DEFB104A: variants seen among roughly 807,000 people sequenced by gnomAD.
DEFB104A encodes beta-defensin 104.
intron 1 of DEFB104A, among the ~76,000 whole-genome samples, chr8:7,839,664 C>G (rs1468312792): frequency 2.7e-5 from 3 of 109,804 alleles, no homozygotes; most frequent in African/African-American, 8.7e-5. Flanking sequence ...ACATAAAACC[C>G]TGGTGCGAGG....
chr8:7,838,677 C>T (rs1563453347), intron 1 of DEFB104A, among the ~76,000 whole-genome samples: 1 of 114,826 alleles, frequency 8.7e-6, no homozygotes, highest in Non-Finnish European at 1.9e-5. Context: ...AAGACTCTGT[C>T]TCAAAAAAAA....
At chr8:7,840,364 ATG>A (rs1246646278) in intron 1 of DEFB104A, among the ~76,000 whole-genome samples, 127 of 65,296 alleles carry the variant, frequency 1.9e-3, no homozygotes, top group South Asian at 0.015. Context: ...CTCTCTATAT[ATG>A]TGTATATATA....
At chr8:7,836,933 ATCC>A (rs1167530350) in intron 1 of DEFB104A, among the ~76,000 whole-genome samples, 1 of 142,398 alleles carries the variant, frequency 7.0e-6, no homozygotes, top group African/African-American at 2.6e-5. Context: ...GCCTTCCCCC[ATCC>A]TCCTCCTTCT....
chr8:7,840,991 TGCCAGTAA>T, intron 1 of DEFB104A, 35 bp from the exon 2 acceptor site: 1 of 1,611,970 alleles, frequency 6.2e-7, no homozygotes, highest in Non-Finnish European at 8.5e-7. Flanking sequence ...TGCCTTTTGG[TGCCAGTAA>T]GCAATTAATG....
At chr8:7,837,065 C>T (rs1187598398) in intron 1 of DEFB104A, among the ~76,000 whole-genome samples, 12 of 141,636 alleles carry the variant, frequency 8.5e-5, no homozygotes, top group Admixed American at 2.2e-4. Flanking sequence ...TAGGCAAGAA[C>T]GTAATTTACT....
At position 7,837,380 on chromosome 8, in the gene DEFB104A, C is replaced by T. The variant is rs1817670499; in HGVS notation, c.58+838C>T. ...GATCTTCTCTTCCAAGCTGCTCAGTCAATTTTATGGGGCTTTGACAGACAC... is the reference window on the plus strand; with the variant it reads ...GATCTTCTCTTCCAAGCTGCTCAGTTAATTTTATGGGGCTTTGACAGACAC... On this transcript the variant is annotated intron_variant, in intron 1 of 1. Transcript: ENST00000314265. Among the ~76,000 whole-genome samples the T allele has an allele frequency of 1.4e-5, 2 of 141,550 alleles. 1 individual carries two copies. The highest frequency in any genetic ancestry group is 4.9e-4 in the South Asian group (2 of 4,074). The allele number at this position is 141,550 out of a possible 152,430, so 92.9% of individuals were successfully genotyped here.
At chr8:7,839,096 G>C (rs1817706476) in intron 1 of DEFB104A, among the ~76,000 whole-genome samples, 1 of 144,206 alleles carries the variant, frequency 6.9e-6, no homozygotes, top group Non-Finnish European at 1.6e-5. Context: ...TTCCAGCTTT[G>C]ACACATAAGT....
chr8:7,836,814 A>G (rs1245998605), intron 1 of DEFB104A, among the ~76,000 whole-genome samples: 2 of 143,084 alleles, frequency 1.4e-5, no homozygotes, highest in Non-Finnish European at 3.0e-5. Context: ...CCCTGGCCAC[A>G]CACGGTAACA....
At chr8:7,837,367 C>T (rs1817670189) in intron 1 of DEFB104A, among the ~76,000 whole-genome samples, 1 of 140,846 alleles carries the variant, frequency 7.1e-6, no homozygotes, top group Admixed American at 7.4e-5. Context: ...TCTTCTCTTC[C>T]AAGCTGCTCA....
intron 1 of DEFB104A, among the ~76,000 whole-genome samples, chr8:7,837,208 G>C (rs1269300384): frequency 7.2e-6 from 1 of 139,544 alleles, no homozygotes; most frequent in Non-Finnish European, 1.5e-5. Flanking sequence ...CAATGGATAT[G>C]AGAGAGCACC....
Position 7,838,921 on chromosome 8 carries a change from A to T in DEFB104A, c.59-2113A>T, listed in dbSNP as rs1356940159. On this transcript the variant is annotated intron_variant, in intron 1 of 1. Transcript: ENST00000314265. Reference sequence around the variant, plus strand: ...AAGATTTTCTGGGTCTGTAGAGCAGAGGAGGAAAATTGCTTATGCAAGAAA... The same window carrying T: ...AAGATTTTCTGGGTCTGTAGAGCAGTGGAGGAAAATTGCTTATGCAAGAAA... Among the ~76,000 whole-genome samples, 4 of 141,512 alleles carry T rather than the reference A, an allele frequency of 2.8e-5. No homozygotes were observed. The East Asian group carries it at 6.1e-4, about 22-fold the overall frequency. 92.8% of individuals were successfully genotyped at this position (141,512 alleles called of 152,430 possible).
intron 1 of DEFB104A, among the ~76,000 whole-genome samples, chr8:7,840,385 TATAG>T: frequency 2.0e-5 from 1 of 49,022 alleles, no homozygotes; most frequent in Non-Finnish European, 4.7e-5. Flanking sequence ...TATATACCTA[TATAG>T]ATACATAGAT....
chr8:7,836,690 A>C, intron 1 of DEFB104A, 148 bp downstream of exon 1: 2 of 1,255,508 alleles, frequency 1.6e-6, no homozygotes, highest in Non-Finnish European at 2.2e-6. Context: ...CATTGGGTCC[A>C]TTAGTAAAAT....
Position 7,837,523 on chromosome 8 carries a change from G to A in DEFB104A, c.58+981G>A, listed in dbSNP as rs1202416095. ...ACTCTTCCTTTTTCTTTCTTCCCGT[G>A]TCATTTCCCAAAGACACTTCTGTGA... On this transcript the variant is annotated intron_variant, in intron 1 of 1. Transcript: ENST00000314265. Among the ~76,000 whole-genome samples, 7 of 140,666 alleles carry A rather than the reference G, an allele frequency of 5.0e-5. 1 individual carries two copies. The highest frequency in any genetic ancestry group is 1.9e-4 in the African/African-American group (7 of 37,402). 92.3% of individuals were successfully genotyped at this position (140,666 alleles called of 152,430 possible). A position where few individuals can be genotyped will look rare whatever the true frequency, so the allele number is the denominator to read the frequency against.
At chr8:7,839,182 G>A (rs1335751584) in intron 1 of DEFB104A, among the ~76,000 whole-genome samples, 93 of 145,882 alleles carry the variant, frequency 6.4e-4, no homozygotes, top group Non-Finnish European at 1.1e-3. Context: ...GCCTGTGAGG[G>A]CTTGTTTGAA....
intron 1 of DEFB104A, among the ~76,000 whole-genome samples, chr8:7,838,722 T>C (rs1817698525): frequency 7.2e-6 from 1 of 139,614 alleles, no homozygotes; most frequent in Admixed American, 7.2e-5. Flanking sequence ...ACAAAGCAAA[T>C]CTTACACGTC....
intron 1 of DEFB104A, 68 bp downstream of exon 1, chr8:7,836,610 T>G (rs1412952338): frequency 2.4e-6 from 2 of 817,540 alleles, no homozygotes; most frequent in African/African-American, 3.7e-5. Context: ...AGAAAAACAT[T>G]TGATTTAGAA....
intron 1 of DEFB104A, among the ~76,000 whole-genome samples, chr8:7,836,883 G>A (rs1201552951): frequency 2.1e-5 from 3 of 141,770 alleles, no homozygotes; most frequent in African/African-American, 7.9e-5. Flanking sequence ...CCATTGCAGG[G>A]CAACAGCAAT....
In DEFB104A at chr8:7,838,730, G is replaced by A. The variant is rs565974814; in HGVS notation, c.58+2188G>A. 7.8e-5 allele frequency among the ~76,000 whole-genome samples: 11 copies of A among 141,504 alleles called. 2 individuals carry two copies. The highest frequency in any genetic ancestry group is 2.1e-4 in the Admixed American group (3 of 14,122). 92.8% of individuals were successfully genotyped at this position (141,504 alleles called of 152,430 possible). A position where few individuals can be genotyped will look rare whatever the true frequency, so the allele number is the denominator to read the frequency against. On this transcript the variant is annotated intron_variant, in intron 1 of 1. Transcript: ENST00000314265. ...AAAAAAAACAAAGCAAATCTTACACGTCTTGATTGATGTATTATGTCTCCC... is the reference window on the plus strand; with the variant it reads ...AAAAAAAACAAAGCAAATCTTACACATCTTGATTGATGTATTATGTCTCCC...
Sources: gnomAD v4.1 joint callset for allele counts (sites outside exome capture counted in the v4.1 genomes callset) on GRCh38, gnomAD v4.1.1 for gene constraint, MANE v1.5 for transcripts, NCBI Gene and HGNC (gene_info 2026-07-23, HGNC 2026-07-21) for gene names.